The following CREB3L2 variants were observed in gnomAD, a reference collection of about 807,000 sequenced individuals.
CREB3L2 encodes cAMP responsive element binding protein 3 like 2, also known as cyclic AMP-responsive element-binding protein 3-like protein 2.
In CREB3L2, 23 loss-of-function variants were observed where a neutral mutation model predicts 57.2. The observed-to-expected ratio is 0.40, with a 90% CI of 0.29 to 0.57. The LOEUF (loss-of-function observed/expected upper bound fraction) is 0.57. Ranked by LOEUF, CREB3L2 falls within the 20% of genes least tolerant of loss-of-function variation. CREB3L2 has a pLI of 0.42. For synonymous variants in CREB3L2, 268 were observed against 265.1 expected (o/e 1.01, Z -0.11); for missense variants, 628 against 634.7 (o/e 0.99, Z 0.11).
chr7:137,941,920 G>T (rs1800886971), intron 1 of CREB3L2, among the ~76,000 whole-genome samples: 1 of 152,086 alleles, frequency 6.6e-6, no homozygotes. Context: ...AATGATGAAG[G>T]TCATAAAACA....
chr7:137,878,872 C>CT lies in CREB3L2; in HGVS notation c.*1603dup. On this transcript the variant is annotated 3_prime_UTR_variant, in exon 12 of 12. Coordinates refer to ENST00000330387, the MANE Select transcript of CREB3L2 (RefSeq NM_194071.4). ...AAGCCAGGGTGTGGGCTTAATCCCT[C>CT]TAAGTACAGGCTCCAATAACAATGC... 1 of 347,852 alleles carries CT rather than the reference C, an allele frequency of 2.9e-6. No individual in the cohort carries two copies. The highest frequency in any genetic ancestry group is 3.3e-5 in the South Asian group (1 of 30,238). The allele number at this position is 347,852 out of a possible 1,614,324, so 21.5% of individuals were successfully genotyped here.
At chr7:137,933,857 G>A (rs990880260) in intron 1 of CREB3L2, 1 of 152,264 alleles carries the variant, frequency 6.6e-6, no homozygotes, top group African/African-American at 2.4e-5. Context: ...ACATCCCATT[G>A]CTGGTGCCAG....
chr7:137,912,690 G>C, intron 4 of CREB3L2: 1 of 685,020 alleles, frequency 1.5e-6, no homozygotes, highest in South Asian at 2.0e-5. Context: ...CAGTTCTCTT[G>C]TTCGATAGTG....
chr7:137,927,455 G>A (rs962024278), intron 2 of CREB3L2, among the ~76,000 whole-genome samples: 1 of 150,252 alleles, frequency 6.7e-6, no homozygotes, highest in Non-Finnish European at 1.5e-5. Context: ...GAGGAAGGGA[G>A]AGAGAAAAAG....
intron 1 of CREB3L2, among the ~76,000 whole-genome samples, chr7:137,942,985 G>C (rs1209999183): frequency 1.3e-5 from 2 of 152,204 alleles, no homozygotes; most frequent in Non-Finnish European, 2.9e-5. Context: ...AGTCAGCACA[G>C]CTTCATTAAG....
At chr7:137,885,232 T>A in intron 9 of CREB3L2, 111 bp from the exon 10 acceptor site, 1 of 1,311,338 alleles carries the variant, frequency 7.6e-7, no homozygotes, top group Admixed American at 2.2e-5. Flanking sequence ...GCCAGTGGAC[T>A]GCACCCACCA....
At chr7:137,974,844 G>C (rs1801578257) in intron 1 of CREB3L2, among the ~76,000 whole-genome samples, 1 of 152,202 alleles carries the variant, frequency 6.6e-6, no homozygotes, top group Admixed American at 6.5e-5. Flanking sequence ...GTTTGGGGTA[G>C]AGCCTGTGAA....
chr7:137,919,709 T>C (rs1434113428), intron 2 of CREB3L2, among the ~76,000 whole-genome samples: 3 of 152,220 alleles, frequency 2.0e-5, no homozygotes, highest in Non-Finnish European at 2.9e-5. Context: ...GGTGCATCCA[T>C]ACAATGGAAT....
intron 1 of CREB3L2, among the ~76,000 whole-genome samples, chr7:137,947,478 G>A (rs1801017455): frequency 6.6e-6 from 1 of 152,152 alleles, no homozygotes; most frequent in South Asian, 2.1e-4. Context: ...GCCTCAAACT[G>A]GGGGTGTAGT....
rs1040684128 is a variant in CREB3L2 at position 137,877,334 on chromosome 7, C to T, written c.*3142G>A. 2.6e-5 allele frequency: 6 copies of T among 227,484 alleles called. No individual in the cohort carries two copies. The Admixed American group carries it at 2.8e-4, about 11-fold the overall frequency. The allele number at this position is 227,484 out of a possible 1,614,324, so 14.1% of individuals were successfully genotyped here. The stretch of plus-strand genomic sequence containing the variant: ...CCATATTGGTGTCAAATCTCATCCC[C>T]ACTCCCTGCCAAAAAAGAGCAACCT... On this transcript the variant is annotated 3_prime_UTR_variant, in exon 12 of 12. Coordinates refer to ENST00000330387, the MANE Select transcript of CREB3L2 (RefSeq NM_194071.4).
rs1266840713 is a variant in CREB3L2 at position 137,878,968 on chromosome 7, A to AGAAGCC, written c.*1502_*1507dup. 2 of 417,826 alleles carry AGAAGCC rather than the reference A, an allele frequency of 4.8e-6. No homozygotes were observed. Among genetic ancestry groups the AGAAGCC allele is most frequent in the Non-Finnish European group, 9.0e-6 (2 of 223,422 alleles). 25.9% of individuals were successfully genotyped at this position (417,826 alleles called of 1,614,324 possible). A position where few individuals can be genotyped will look rare whatever the true frequency, so the allele number is the denominator to read the frequency against. On this transcript the variant is annotated 3_prime_UTR_variant, in exon 12 of 12. Coordinates refer to ENST00000330387, the MANE Select transcript of CREB3L2 (RefSeq NM_194071.4). ...GAGACAGAGAGAGAGAGGGAGAGAG[A>AGAAGCC]GAAGCCAAAACCAAAGGCATTTCAG...
chr7:137,960,128 T>C (rs2117284862), intron 1 of CREB3L2, among the ~76,000 whole-genome samples: 1 of 152,280 alleles, frequency 6.6e-6, no homozygotes, highest in South Asian at 2.1e-4. Context: ...ACCAACCCAT[T>C]AGATAAGTAA....
intron 1 of CREB3L2, among the ~76,000 whole-genome samples, chr7:137,977,382 CACA>C (rs1801626680): frequency 4.6e-5 from 7 of 152,232 alleles, no homozygotes; most frequent in Admixed American, 1.3e-4. Flanking sequence ...TATGCAACAA[CACA>C]ACGATTATAA....
chr7:137,946,988 T>TTATA (rs548077108), intron 1 of CREB3L2, among the ~76,000 whole-genome samples: 1 of 119,766 alleles, frequency 8.3e-6, no homozygotes, highest in Non-Finnish European at 1.7e-5. Flanking sequence ...ATATATATAG[T>TTATA]TATATATATA....
chr7:137,940,841 G>A lies in CREB3L2; in HGVS notation c.103-12475C>T, dbSNP rs1211313127. Among the ~76,000 whole-genome samples the A allele has an allele frequency of 7.9e-5, 12 of 152,188 alleles. 1 individual carries two copies. Among genetic ancestry groups the A allele is most frequent in the Admixed American group, 7.9e-4 (12 of 15,278 alleles). On this transcript the variant is annotated intron_variant, in intron 1 of 11. Coordinates refer to ENST00000330387, the MANE Select transcript of CREB3L2 (RefSeq NM_194071.4). ...TACTGAGATAATCTCATCCCTAGAGGGCCACACTGGGGAAAAGGGAAAGTG... is the reference window on the plus strand; with the variant it reads ...TACTGAGATAATCTCATCCCTAGAGAGCCACACTGGGGAAAAGGGAAAGTG...
chr7:137,973,175 G>GAA (rs56720528), intron 1 of CREB3L2, among the ~76,000 whole-genome samples: 2 of 129,814 alleles, frequency 1.5e-5, no homozygotes, highest in Non-Finnish European at 3.5e-5. Context: ...TAATAATAAT[G>GAA]AAAAAAAAAA....
Position 137,885,485 on chromosome 7 carries a change from A to G in CREB3L2, c.1061T>C (p.Leu354Pro). 1 of 1,613,974 alleles carries G rather than the reference A, an allele frequency of 6.2e-7. No homozygotes were observed. The highest frequency in any genetic ancestry group is 8.5e-7 in the Non-Finnish European group (1 of 1,179,892). The change falls in exon 9 of 12, where the codon CTC becomes CCC. Residue 354 changes from leucine to proline, a missense_variant. By Grantham distance (98) the Leu-to-Pro change is moderately conservative. Around this residue, in one of 3 missense-constraint regions of CREB3L2, gnomAD observed 272 missense variants for 242.7 expected, o/e 1.12. Coordinates refer to ENST00000330387, the MANE Select transcript of CREB3L2 (RefSeq NM_194071.4). Reference protein sequence around the residue: ...ENTNRTLLQQLQKLQTLVMGK... With the variant: ...ENTNRTLLQQPQKLQTLVMGK... The stretch of plus-strand genomic sequence containing the variant: ...CATCACCAAAGTCTGAAGCTTCTGG[A>G]GTTGCTGAAGGAGAGTCCTGCCAAT...
At chr7:137,966,379 G>A (rs190886730) in intron 1 of CREB3L2, among the ~76,000 whole-genome samples, 38 of 152,298 alleles carry the variant, frequency 2.5e-4, no homozygotes, top group African/African-American at 8.4e-4. Flanking sequence ...AGCAAATTCA[G>A]TCAACAAAGA....
intron 1 of CREB3L2, among the ~76,000 whole-genome samples, chr7:137,963,595 T>C (rs1801360332): frequency 6.6e-6 from 1 of 152,240 alleles, no homozygotes; most frequent in African/African-American, 2.4e-5. Context: ...GTTTTTATTG[T>C]TCATTTTTAC....
Sources: allele counts gnomAD v4.1 joint callset (sites outside exome capture counted in the v4.1 genomes callset), GRCh38; gene constraint gnomAD v4.1.1; regional missense constraint gnomAD v4.1.1; transcripts MANE v1.5; gene names NCBI Gene and HGNC (gene_info 2026-07-23, HGNC 2026-07-21).